Variants in SLC9B2 observed in about 807,000 individuals in gnomAD.
The protein encoded by SLC9B2 is sodium/hydrogen exchanger 9B2.
In SLC9B2, 39 loss-of-function variants were observed where a neutral mutation model predicts 52.2. The observed-to-expected ratio is 0.75, with a 90% CI of 0.58 to 0.98. SLC9B2 has a LOEUF of 0.98. SLC9B2 is among the 50% of genes least tolerant of loss of function. The pLI is 0.00. For missense variants in SLC9B2, 626 were observed against 637.5 expected (o/e 0.98, Z 0.19); for synonymous variants, 214 against 227.0 (o/e 0.94, Z 0.51).
Position 103,028,889 on chromosome 4 carries a change from AGAAATATT to A in SLC9B2, c.1256-14_1256-7del. 1 of 1,527,846 alleles carries A rather than the reference AGAAATATT, an allele frequency of 6.5e-7. No homozygotes were observed. Among genetic ancestry groups the A allele is most frequent in the Admixed American group, 2.4e-5 (1 of 41,232 alleles). 94.6% of individuals were successfully genotyped at this position (1,527,846 alleles called of 1,614,324 possible). A position where few individuals can be genotyped will look rare whatever the true frequency, so the allele number is the denominator to read the frequency against. ...TACGGTGGCAACACAAAGGCCTGTA[AGAAATATT>A]CAATTTTTAGAAATAATAAAATACT... is the stretch of plus-strand genomic sequence containing the variant. On this transcript the variant is annotated splice_polypyrimidine_tract_variant and splice_region_variant and intron_variant, in intron 10 of 11. Transcript: ENST00000394785.
intron 6 of SLC9B2, among the ~76,000 whole-genome samples, chr4:103,047,632 A>T (rs1744290505): frequency 7.0e-6 from 1 of 143,728 alleles, no homozygotes; most frequent in African/African-American, 2.6e-5. Context: ...CCTATGAGTG[A>T]GAACATGTGG....
At chr4:103,076,128 T>A (rs974256861) in intron 1 of SLC9B2, 56 bp downstream of exon 1, 1 of 152,224 alleles carries the variant, frequency 6.6e-6, no homozygotes, top group Non-Finnish European at 1.5e-5. Flanking sequence ...GCCTACAGGG[T>A]ACCCGCCGCT....
Position 103,043,454 on chromosome 4 carries a change from G to A in SLC9B2, c.997-9C>T. Reference sequence around the variant, plus strand: ...TTACACACAAGTTTGTCCTTTAGGAGAAAAAAATTCATTTGCTCAATTATT... The same window carrying A: ...TTACACACAAGTTTGTCCTTTAGGAAAAAAAAATTCATTTGCTCAATTATT... On this transcript the variant is annotated splice_polypyrimidine_tract_variant and intron_variant, in intron 8 of 11. Coordinates refer to ENST00000394785, the MANE Select transcript of SLC9B2 (RefSeq NM_178833.7). The A allele has an allele frequency of 6.3e-7, 1 of 1,581,320 alleles. No individual in the cohort carries two copies. Among genetic ancestry groups the A allele is most frequent in the Non-Finnish European group, 8.6e-7 (1 of 1,167,462 alleles).
intron 1 of SLC9B2, among the ~76,000 whole-genome samples, chr4:103,072,056 GTTTTT>G (rs779979130): frequency 6.3e-5 from 6 of 95,302 alleles, no homozygotes; most frequent in Admixed American, 2.6e-4. Flanking sequence ...TGGCTTTCAT[GTTTTT>G]TTTTTTTTTT....
chr4:103,061,620 T>C (rs1008069989), intron 3 of SLC9B2, among the ~76,000 whole-genome samples: 1 of 152,036 alleles, frequency 6.6e-6, no homozygotes, highest in African/African-American at 2.4e-5. Flanking sequence ...GTATCAAACC[T>C]GGACGTCGTG....
intron 9 of SLC9B2, among the ~76,000 whole-genome samples, chr4:103,038,795 A>G (rs1192843550): frequency 6.6e-6 from 1 of 152,226 alleles, no homozygotes; most frequent in East Asian, 1.9e-4. Context: ...AATCTGTAAA[A>G]GTCATTAGAA....
intron 7 of SLC9B2, 73 bp downstream of exon 7, chr4:103,046,978 G>C: frequency 6.6e-7 from 1 of 1,505,124 alleles, no homozygotes; most frequent in Non-Finnish European, 9.0e-7. Flanking sequence ...AAGCAAATAT[G>C]TCATGCTTAT....
At position 103,045,498 on chromosome 4, in the gene SLC9B2, A is replaced by G. The variant is rs796227537; in HGVS notation, c.890-502T>C. 3.3e-5 allele frequency among the ~76,000 whole-genome samples: 5 copies of G among 151,894 alleles called. No individual in the cohort carries two copies. The East Asian group carries it at 5.8e-4, about 18-fold the overall frequency. On this transcript the variant is annotated intron_variant, in intron 7 of 11. Transcript: ENST00000394785. Reference sequence around the variant, plus strand: ...GTGTAGAAAGTAGCTAATTAGCTTTAGTCTCTGGTATATTGAGGTGATTAA... The same window carrying G: ...GTGTAGAAAGTAGCTAATTAGCTTTGGTCTCTGGTATATTGAGGTGATTAA...
downstream of SLC9B2, among the ~76,000 whole-genome samples, chr4:103,020,648 T>G (rs944821891): frequency 2.6e-5 from 4 of 152,164 alleles, no homozygotes; most frequent in Admixed American, 6.5e-5. Flanking sequence ...TTGGTTTTGT[T>G]GACGTTGTTG....
chr4:103,019,715 C>G, downstream of SLC9B2: 1 of 985,572 alleles, frequency 1.0e-6, no homozygotes, highest in Non-Finnish European at 1.2e-6. Flanking sequence ...CCCGGATAGA[C>G]TTCCGCGCAG....
intron 9 of SLC9B2, among the ~76,000 whole-genome samples, chr4:103,037,942 C>T (rs993719060): frequency 7.3e-5 from 11 of 151,072 alleles, no homozygotes; most frequent in Non-Finnish European, 1.2e-4. Flanking sequence ...CTCATGGCAA[C>T]CTTCATCTCC....
chr4:103,041,701 T>A (rs1324617929), intron 9 of SLC9B2, among the ~76,000 whole-genome samples: 1 of 152,186 alleles, frequency 6.6e-6, no homozygotes, highest in Non-Finnish European at 1.5e-5. Flanking sequence ...TAAATACACA[T>A]GGTAAGTGTT....
intron 9 of SLC9B2, 48 bp downstream of exon 9, chr4:103,043,248 T>C (rs1332084922): frequency 6.5e-7 from 1 of 1,531,714 alleles, no homozygotes; most frequent in Admixed American, 2.3e-5. Flanking sequence ...GCCAACTTAA[T>C]CTCATTAGAA....
At chr4:103,041,563 G>T (rs916510610) in intron 9 of SLC9B2, among the ~76,000 whole-genome samples, 4 of 151,946 alleles carry the variant, frequency 2.6e-5, no homozygotes, top group African/African-American at 7.3e-5. Context: ...TCATTTCTCT[G>T]TTGCTAAAAC....
intron 1 of SLC9B2, among the ~76,000 whole-genome samples, chr4:103,069,059 A>T (rs1213788078): frequency 6.6e-6 from 1 of 152,198 alleles, no homozygotes; most frequent in Non-Finnish European, 1.5e-5. Flanking sequence ...ATTTGTAATA[A>T]ATGTTTATAT....
chr4:103,055,650 A>T (rs1263861945), intron 4 of SLC9B2, among the ~76,000 whole-genome samples: 2 of 152,032 alleles, frequency 1.3e-5, no homozygotes, highest in Admixed American at 1.3e-4. Flanking sequence ...TCATACAGCT[A>T]ACAGAAAAAA....
intron 11 of SLC9B2, 68 bp downstream of exon 11, chr4:103,028,679 T>C: frequency 2.7e-6 from 4 of 1,504,226 alleles, no homozygotes; most frequent in Non-Finnish European, 3.6e-6. Flanking sequence ...ACAAGCCCTC[T>C]TATTCAATAT....
At chr4:103,061,701 C>T (rs1745657704) in intron 3 of SLC9B2, among the ~76,000 whole-genome samples, 2 of 152,116 alleles carry the variant, frequency 1.3e-5, no homozygotes, top group South Asian at 2.1e-4. Flanking sequence ...GTAGAAACCT[C>T]CAGGGTGGGG....
In SLC9B2 at chr4:103,062,158, C is replaced by T. The variant is rs1201368903; in HGVS notation, c.271+4169G>A. Among the ~76,000 whole-genome samples, 6 of 152,298 alleles carry T rather than the reference C, an allele frequency of 3.9e-5. No individual in the cohort carries two copies. In the East Asian group the frequency reaches 7.7e-4, roughly 20 times the overall value. On this transcript the variant is annotated intron_variant, in intron 3 of 11. Coordinates refer to ENST00000394785, the MANE Select transcript of SLC9B2 (RefSeq NM_178833.7). ...CTTTTCGGCTGGGCGCAGTGGCTCACGCCTGTAATCCCAGCGCTTTGGGAG... is the reference window on the plus strand; with the variant it reads ...CTTTTCGGCTGGGCGCAGTGGCTCATGCCTGTAATCCCAGCGCTTTGGGAG...
Sources: gnomAD v4.1 joint callset for allele counts (sites outside exome capture counted in the v4.1 genomes callset) on GRCh38, gnomAD v4.1.1 for gene constraint, MANE v1.5 for transcripts, NCBI Gene and HGNC (gene_info 2026-07-23, HGNC 2026-07-21) for gene names.